SRSF11: variants seen among roughly 807,000 people sequenced by gnomAD.
The protein encoded by SRSF11 is serine and arginine rich splicing factor 11.
SRSF11 carries 9 observed loss-of-function variants against 56.0 expected under a neutral mutation model. That is an observed-to-expected ratio of 0.16 (90% CI 0.10 to 0.28). The LOEUF (loss-of-function observed/expected upper bound fraction) is 0.28, where lower values mean the gene tolerates loss of function less well. SRSF11 is among the 10% of genes least tolerant of loss of function. SRSF11 has a pLI of 1.00. For missense variants in SRSF11, 421 were observed against 600.7 expected, an observed-to-expected ratio of 0.70 and a Z score of 3.13; for synonymous variants, 222 against 215.3, an observed-to-expected ratio of 1.03 and a Z score of -0.27.
At chr1:70,241,269 T>C (rs1017554291) in intron 7 of SRSF11, among the ~76,000 whole-genome samples, 12 of 152,236 alleles carry the variant, frequency 7.9e-5, no homozygotes, top group Non-Finnish European at 1.8e-4. Context: ...CACGTCTCTA[T>C]TAAAAGCACT....
chr1:70,212,743 A>G (rs990420625), intron 1 of SRSF11, among the ~76,000 whole-genome samples: 4 of 152,212 alleles, frequency 2.6e-5, no homozygotes, highest in Non-Finnish European at 5.9e-5. Flanking sequence ...CTATAAAGTA[A>G]GACAAGTATT....
At chr1:70,242,730 G>A (rs1341518628) in intron 7 of SRSF11, among the ~76,000 whole-genome samples, 2 of 152,176 alleles carry the variant, frequency 1.3e-5, no homozygotes, top group African/African-American at 4.8e-5. Flanking sequence ...ACTAGTAAGT[G>A]TAGAAAAGTG....
upstream of SRSF11, among the ~76,000 whole-genome samples, chr1:70,219,198 G>C (rs1196051767): frequency 6.6e-6 from 1 of 152,136 alleles, no homozygotes; most frequent in African/African-American, 2.4e-5. Context: ...ATGGTCCCAA[G>C]CATTTTAGAT....
upstream of SRSF11, among the ~76,000 whole-genome samples, chr1:70,219,344 T>C (rs931405499): frequency 6.6e-6 from 1 of 152,224 alleles, no homozygotes; most frequent in Non-Finnish European, 1.5e-5. Flanking sequence ...GCTCAAATTC[T>C]TTATGTAAAA....
intron 5 of SRSF11, 78 bp downstream of exon 5, chr1:70,235,628 TAAGA>T: frequency 2.2e-6 from 3 of 1,358,572 alleles, no homozygotes; most frequent in Non-Finnish European, 3.1e-6. Context: ...TGATAGCTTA[TAAGA>T]AAGTTATCAA....
rs1336143732 is a variant in SRSF11, at chr1:70,251,872, T to G, written c.*1067T>G. The stretch of plus-strand genomic sequence containing the variant: ...ATATATGCAAAGTAGGCAACTGTTT[T>G]CTTAGTTACAGAAGTTTCAAGCTTC... On this transcript the variant is annotated 3_prime_UTR_variant, in exon 12 of 12. Transcript: ENST00000370949. The G allele has an allele frequency of 6.6e-6, 1 of 152,596 alleles. No homozygotes were observed. The highest frequency in any genetic ancestry group is 6.5e-5 in the Admixed American group (1 of 15,274). The allele number at this position is 152,596 out of a possible 1,614,324, so 9.5% of individuals were successfully genotyped here.
Position 70,221,384 on chromosome 1 carries a change from T to A in SRSF11, c.-253T>A. 1 of 514,566 alleles carries A rather than the reference T, an allele frequency of 1.9e-6. No homozygotes were observed. The highest frequency in any genetic ancestry group is 3.4e-6 in the Non-Finnish European group (1 of 293,662). 31.9% of individuals were successfully genotyped at this position (514,566 alleles called of 1,614,324 possible). A position where few individuals can be genotyped will look rare whatever the true frequency, so the allele number is the denominator to read the frequency against. On this transcript the variant is annotated 5_prime_UTR_variant, in exon 1 of 12. Coordinates refer to ENST00000370949, the MANE Select transcript of SRSF11 (RefSeq NM_001350605.2). ...TTGTGGGAGCTCGGGCCCGCTAGTG[T>A]CGTGGTTGGAGGCGAGGTGGGGCGG... is the stretch of plus-strand genomic sequence containing the variant.
rs1015084213 is a variant in SRSF11, at chr1:70,250,192, C to T, written c.1118+145C>T. 3.2e-5 allele frequency: 40 copies of T among 1,259,166 alleles called. 1 individual carries two copies. Among genetic ancestry groups the T allele is most frequent in the Non-Finnish European group, 4.3e-5 (39 of 900,502 alleles). The allele number at this position is 1,259,166 out of a possible 1,614,324, so 78.0% of individuals were successfully genotyped here. A position where few individuals can be genotyped will look rare whatever the true frequency, so the allele number is the denominator to read the frequency against. On this transcript the variant is annotated intron_variant, in intron 10 of 11. Coordinates refer to ENST00000370949, the MANE Select transcript of SRSF11 (RefSeq NM_001350605.2). ...TCCTTCTGACTTGTGACTTAAACACCATTAAGGACTGAACATTTTAGTCCT... is the reference window on the plus strand; with the variant it reads ...TCCTTCTGACTTGTGACTTAAACACTATTAAGGACTGAACATTTTAGTCCT...
chr1:70,230,461 T>C (rs1159874241), intron 2 of SRSF11: 9 of 1,214,630 alleles, frequency 7.4e-6, no homozygotes, highest in Non-Finnish European at 9.4e-6. Context: ...GAAGGAACTC[T>C]TAATAGTAAT....
chr1:70,220,038 G>A (rs976784180), upstream of SRSF11, among the ~76,000 whole-genome samples: 1 of 152,240 alleles, frequency 6.6e-6, no homozygotes, highest in Non-Finnish European at 1.5e-5. Flanking sequence ...AAATGCCATT[G>A]TCATTAAGGT....
intron 7 of SRSF11, among the ~76,000 whole-genome samples, chr1:70,241,153 A>G (rs1392350379): frequency 2.6e-5 from 4 of 152,082 alleles, no homozygotes; most frequent in African/African-American, 9.7e-5. Context: ...GCCTTTTCTT[A>G]GTGTCCGTTA....
intron 9 of SRSF11, chr1:70,248,837 T>C (rs1378045624): frequency 6.6e-6 from 1 of 152,200 alleles, no homozygotes; most frequent in Middle Eastern, 3.2e-3. Flanking sequence ...AAATACTTCT[T>C]CCGTCTAGAG....
upstream of SRSF11, among the ~76,000 whole-genome samples, chr1:70,216,879 T>G (rs943311591): frequency 3.3e-5 from 5 of 152,206 alleles, no homozygotes; most frequent in African/African-American, 1.2e-4. Flanking sequence ...TTTCTAAGTC[T>G]CTCTCTGAAG....
intron 1 of SRSF11, chr1:70,222,626 A>G (rs1670907287): frequency 6.6e-6 from 1 of 152,230 alleles, no homozygotes; most frequent in Non-Finnish European, 1.5e-5. Context: ...AAAGTGTACT[A>G]CTAAAACAGA....
At chr1:70,230,568 TCTATCAAAGCAG>T in intron 2 of SRSF11, 1 of 1,286,244 alleles carries the variant, frequency 7.8e-7, no homozygotes, top group Non-Finnish European at 1.0e-6. Flanking sequence ...ATTTCATGGT[TCTATCAAAGCAG>T]CAGTAAAAAA....
intron 8 of SRSF11, among the ~76,000 whole-genome samples, 193 bp downstream of exon 8, chr1:70,245,008 T>G (rs1247000501): frequency 6.6e-6 from 1 of 152,196 alleles, no homozygotes; most frequent in Non-Finnish European, 1.5e-5. Flanking sequence ...AAACTTCAGC[T>G]TACAGCTGAG....
intron 6 of SRSF11, among the ~76,000 whole-genome samples, chr1:70,238,875 AG>A (rs1674700826): frequency 6.6e-6 from 1 of 152,222 alleles, no homozygotes; most frequent in East Asian, 1.9e-4. Flanking sequence ...AAATAGGCAA[AG>A]GAACCTTTAG....
chr1:70,208,455 TC>T lies in SRSF11; in HGVS notation c.-26+2678del, dbSNP rs1461753467. On this transcript the variant is annotated intron_variant, in intron 1 of 12. Transcript: ENST00000370950. ...TCAAGTGATTTCTCCTGCCTCAGCC[TC>T]CCAAGAAGCTGGCATTACAGGTACG... Among the ~76,000 whole-genome samples the T allele has an allele frequency of 2.6e-5, 4 of 152,118 alleles. No individual in the cohort carries two copies. The East Asian group carries it at 7.7e-4, about 29-fold the overall frequency.
chr1:70,210,313 C>T (rs1669448860), intron 1 of SRSF11, among the ~76,000 whole-genome samples: 1 of 152,058 alleles, frequency 6.6e-6, no homozygotes, highest in Admixed American at 6.6e-5. Flanking sequence ...CATGCCACCA[C>T]ATTCAGCTAA....
Sources: allele counts gnomAD v4.1 joint callset (sites outside exome capture counted in the v4.1 genomes callset), GRCh38; gene constraint gnomAD v4.1.1; transcripts MANE v1.5; gene names NCBI Gene and HGNC (gene_info 2026-07-23, HGNC 2026-07-21).